The following RRAGD variants were observed in gnomAD, a reference collection of about 807,000 sequenced individuals.
RRAGD encodes the protein ras-related GTP-binding protein D.
RRAGD carries 12 observed loss-of-function variants against 35.5 expected under a neutral mutation model. The ratio of observed to expected loss-of-function variants is 0.34; its 90% CI spans 0.22 to 0.55. The LOEUF is 0.55. Among genes scored for constraint, RRAGD ranks in the 20% least tolerant of loss-of-function variants. The pLI is 0.91. For missense variants in RRAGD, 324 were observed against 490.1 expected (o/e 0.66, Z 3.20); for synonymous variants, 155 against 178.9 (o/e 0.87, Z 1.07).
At chr6:89,380,516 T>C (rs1582508709) in intron 2 of RRAGD, 149 bp from the exon 3 acceptor site, 1 of 651,218 alleles carries the variant, frequency 1.5e-6, no homozygotes, top group African/African-American at 1.8e-5. Flanking sequence ...ATAATTCCAG[T>C]GTGAAAATTT....
chr6:89,399,681 G>C (rs1467024935), intron 1 of RRAGD, among the ~76,000 whole-genome samples: 1 of 152,034 alleles, frequency 6.6e-6, no homozygotes, highest in Non-Finnish European at 1.5e-5. Flanking sequence ...TCAGGAGGCT[G>C]AGATAGGAGG....
At chr6:89,385,654 G>A (rs965961925) in intron 2 of RRAGD, among the ~76,000 whole-genome samples, 7 of 152,188 alleles carry the variant, frequency 4.6e-5, no homozygotes, top group African/African-American at 1.4e-4. Flanking sequence ...CAGGTAACAC[G>A]TGTTTCTGGG....
chr6:89,393,758 T>G (rs1769281027), intron 1 of RRAGD, among the ~76,000 whole-genome samples: 1 of 152,090 alleles, frequency 6.6e-6, no homozygotes, highest in African/African-American at 2.4e-5. Context: ...AGAAGCAGAG[T>G]TAATAACAGA....
In RRAGD at chr6:89,377,819, AT is replaced by A. The variant is rs1324917030; in HGVS notation, c.760-7del. On this transcript the variant is annotated splice_region_variant and splice_polypyrimidine_tract_variant and intron_variant, in intron 4 of 6. Coordinates refer to ENST00000369415, the MANE Select transcript of RRAGD (RefSeq NM_021244.5). ...GCCTTTTCAATTCCAGAATTCTGAAATTTAAAAAAAAAAGTTGCCTTAAAGC... is the reference window on the plus strand; with the variant it reads ...GCCTTTTCAATTCCAGAATTCTGAAATTAAAAAAAAAAGTTGCCTTAAAGC... 3 of 1,592,146 alleles carry A rather than the reference AT, an allele frequency of 1.9e-6. No homozygotes were observed. The African/African-American group carries it at 4.1e-5, about 22-fold the overall frequency.
Position 89,380,198 on chromosome 6 carries a change from G to C in RRAGD, c.614C>G (p.Ala205Gly). ...GTGAATTTTTTCTAATCCAGCATCT[G>C]CAAGGTCATCGTTTGCCCTCTGGTG... ...DIHQRANDDL[A>G]DAGLEKIHLS... The change falls in exon 3 of 7, where the codon GCA becomes GGA. Residue 205 changes from alanine (A) to glycine (G), a missense_variant. By Grantham distance (60) the Ala-to-Gly change is moderately conservative. Transcript: ENST00000369415. 1 of 1,614,212 alleles carries C rather than the reference G, an allele frequency of 6.2e-7. No homozygotes were observed. The highest frequency in any genetic ancestry group is 8.5e-7 in the Non-Finnish European group (1 of 1,180,040).
rs544090850 is a variant in RRAGD, at chr6:89,409,139, C to G, written c.148+2707G>C. Among the ~76,000 whole-genome samples, 84 of 152,346 alleles carry G rather than the reference C, an allele frequency of 5.5e-4. 1 individual carries two copies. The South Asian group carries it at 0.017, about 31-fold the overall frequency. ...ACTCAGTACAATGTGGTAAAATTTA[C>G]AAGGCATACTCGGTTTAAAAATAAG... On this transcript the variant is annotated intron_variant, in intron 1 of 6. Coordinates refer to ENST00000369415, the MANE Select transcript of RRAGD (RefSeq NM_021244.5).
rs1287703121 is a variant in RRAGD, at chr6:89,412,010, C to T, written c.-17G>A. The T allele has an allele frequency of 3.9e-6, 6 of 1,523,454 alleles. No individual in the cohort carries two copies. Among genetic ancestry groups the T allele is most frequent in the Non-Finnish European group, 5.3e-6 (6 of 1,140,520 alleles). The allele number at this position is 1,523,454 out of a possible 1,614,324, so 94.4% of individuals were successfully genotyped here. On this transcript the variant is annotated 5_prime_UTR_variant, in exon 1 of 7. Transcript: ENST00000369415. This position sits in a 1 kb window ranked among gnomAD's most constrained non-coding sequence, Gnocchi z 4.2. ...CTGGCTCATCGTGCCCACCGGCCGG[C>T]CGGCCCGGGGACGGCGGGGGTCCCG...
At chr6:89,398,901 T>C (rs1769394322) in intron 1 of RRAGD, among the ~76,000 whole-genome samples, 1 of 152,232 alleles carries the variant, frequency 6.6e-6, no homozygotes, top group South Asian at 2.1e-4. Flanking sequence ...TATCTCATGA[T>C]TTAAAGTTTA....
chr6:89,368,424 A>G (rs1487128320), intron 6 of RRAGD, among the ~76,000 whole-genome samples: 2 of 152,210 alleles, frequency 1.3e-5, no homozygotes, highest in African/African-American at 4.8e-5. Flanking sequence ...ATTTTTCCTG[A>G]TGCAAGGTTG....
intron 5 of RRAGD, among the ~76,000 whole-genome samples, chr6:89,375,640 T>C (rs552895409): frequency 1.9e-4 from 29 of 152,304 alleles, no homozygotes; most frequent in African/African-American, 6.7e-4. Flanking sequence ...TGCTTCCTCA[T>C]TGCCTAAGAG....
intron 5 of RRAGD, among the ~76,000 whole-genome samples, chr6:89,375,351 T>G (rs1291428677): frequency 2.6e-5 from 4 of 152,180 alleles, no homozygotes; most frequent in African/African-American, 9.7e-5. Flanking sequence ...CAAGTAGAAA[T>G]TGATGAGGTT....
chr6:89,411,761 G>T lies in RRAGD; in HGVS notation c.148+85C>A. ...CCCCTGGACCCCCTCCAAGTCGGTG[G>T]CTCGCGCACGGCCGGGCTGGGGGCG... On this transcript the variant is annotated intron_variant, in intron 1 of 6. Coordinates refer to ENST00000369415, the MANE Select transcript of RRAGD (RefSeq NM_021244.5). This position sits in a 1 kb window ranked among gnomAD's most constrained non-coding sequence, Gnocchi z 5.6. 1.4e-6 allele frequency: 2 copies of T among 1,425,342 alleles called. No homozygotes were observed. Among genetic ancestry groups the T allele is most frequent in the Non-Finnish European group, 1.9e-6 (2 of 1,070,078 alleles). The allele number at this position is 1,425,342 out of a possible 1,614,324, so 88.3% of individuals were successfully genotyped here. A position where few individuals can be genotyped will look rare whatever the true frequency, so the allele number is the denominator to read the frequency against.
chr6:89,376,175 A>G (rs76514114), intron 5 of RRAGD, among the ~76,000 whole-genome samples: 7,631 of 152,266 alleles, frequency 0.05, 271 homozygotes, highest in Non-Finnish European at 0.071. Flanking sequence ...GCGTTTAATT[A>G]TAACAGTAAT....
At chr6:89,373,163 T>C (rs888268555) in intron 5 of RRAGD, among the ~76,000 whole-genome samples, 2 of 152,162 alleles carry the variant, frequency 1.3e-5, no homozygotes, top group African/African-American at 2.4e-5. Context: ...TGAAAAGAAA[T>C]AGATACACAA....
intron 5 of RRAGD, among the ~76,000 whole-genome samples, chr6:89,372,982 A>C (rs1768878265): frequency 6.6e-6 from 1 of 152,260 alleles, no homozygotes; most frequent in Admixed American, 6.5e-5. Context: ...GAGTCTAAAG[A>C]GACCTGAAAG....
chr6:89,385,638 G>A (rs9344934), intron 2 of RRAGD, among the ~76,000 whole-genome samples: 4,883 of 152,272 alleles, frequency 0.032, 309 homozygotes, highest in East Asian at 0.27. Flanking sequence ...GGCCCTGGAC[G>A]TGGTGCAGGT....
rs984060465 is a variant in RRAGD, at chr6:89,388,021, G to T, written c.149-431C>A. On this transcript the variant is annotated intron_variant, in intron 1 of 6. Coordinates refer to ENST00000369415, the MANE Select transcript of RRAGD (RefSeq NM_021244.5). ...AGAAGCCATCACTAAAGAGATGCTT[G>T]TTGACGTGAGTTATGCCTCTCTTAG... Among the ~76,000 whole-genome samples, 5 of 152,146 alleles carry T rather than the reference G, an allele frequency of 3.3e-5. No homozygotes were observed. The South Asian group carries it at 1.0e-3, about 32-fold the overall frequency.
intron 5 of RRAGD, among the ~76,000 whole-genome samples, chr6:89,375,927 T>C (rs1462003114): frequency 6.6e-6 from 1 of 152,192 alleles, no homozygotes; most frequent in Admixed American, 6.5e-5. Context: ...CATGAACAAC[T>C]TACCACTTAC....
rs373456824 is a variant in RRAGD at position 89,385,908 on chromosome 6, G to A, written c.444+1387C>T. On this transcript the variant is annotated intron_variant, in intron 2 of 6. Transcript: ENST00000369415. ...AACTTACGATCCTCTCAGGCATGGG[G>A]AGTCTACTCAGAGGATGGTTCTCGA... Among the ~76,000 whole-genome samples, 41 of 152,148 alleles carry A rather than the reference G, an allele frequency of 2.7e-4. 1 individual carries two copies. Among genetic ancestry groups the A allele is most frequent in the African/African-American group, 9.4e-4 (39 of 41,434 alleles).
Sources: gnomAD v4.1 joint callset for allele counts (sites outside exome capture counted in the v4.1 genomes callset) on GRCh38, gnomAD v4.1.1 for gene constraint, Gnocchi (gnomAD v3.1) non-coding constraint, MANE v1.5 for transcripts, NCBI Gene and HGNC (gene_info 2026-07-23, HGNC 2026-07-21) for gene names.